BEND4: variants seen among roughly 807,000 people sequenced by gnomAD.
BEND4 encodes the protein BEN domain-containing protein 4.
Under a neutral mutation model 54.7 loss-of-function variants are expected in BEND4, and 27 were observed. That is an observed-to-expected ratio of 0.49 (90% CI 0.36 to 0.68). BEND4 has a LOEUF of 0.68. Ranked by LOEUF, BEND4 falls within the 30% of genes least tolerant of loss-of-function variation. BEND4 has a pLI of 0.00. For synonymous variants in BEND4, 327 were observed against 299.5 expected, an observed-to-expected ratio of 1.09 and a Z score of -0.95; for missense variants, 702 against 697.2, an observed-to-expected ratio of 1.01 and a Z score of -0.08.
At chr4:42,133,828 T>C (rs896150828) in intron 3 of BEND4, among the ~76,000 whole-genome samples, 1 of 152,228 alleles carries the variant, frequency 6.6e-6, no homozygotes, top group Non-Finnish European at 1.5e-5. Flanking sequence ...CACTCCAGCC[T>C]GGGCAACAGA....
At chr4:42,131,889 G>T (rs1290019363) in intron 3 of BEND4, among the ~76,000 whole-genome samples, 1 of 152,062 alleles carries the variant, frequency 6.6e-6, no homozygotes, top group Non-Finnish European at 1.5e-5. Context: ...TACAAGGCAG[G>T]GACCTTGAAG....
chr4:42,128,216 C>T (rs1720358868), intron 3 of BEND4, among the ~76,000 whole-genome samples: 2 of 152,178 alleles, frequency 1.3e-5, no homozygotes, highest in African/African-American at 4.8e-5. Context: ...AAGAGTCATT[C>T]ACGACAAATC....
At chr4:42,148,826 C>T (rs1208271205) in intron 2 of BEND4, among the ~76,000 whole-genome samples, 1 of 152,152 alleles carries the variant, frequency 6.6e-6, no homozygotes. Context: ...ATTTAGGCTG[C>T]ATATCAAGAT....
rs1449051438 is a variant in BEND4, at chr4:42,112,461, A to C, written c.*5057T>G. The stretch of plus-strand genomic sequence containing the variant: ...TTGTACTGGCCCAATTATTCCAAGA[A>C]TAAAGAGGTTTTCAAATGAGTCTTA... On this transcript the variant is annotated 3_prime_UTR_variant, in exon 6 of 6. Coordinates refer to ENST00000502486, the MANE Select transcript of BEND4 (RefSeq NM_207406.4). 6.6e-6 allele frequency: 1 copy of C among 152,230 alleles called. No individual in the cohort carries two copies. The highest frequency in any genetic ancestry group is 1.5e-5 in the Non-Finnish European group (1 of 68,042). The allele number at this position is 152,230 out of a possible 1,614,324, so 9.4% of individuals were successfully genotyped here. A position where few individuals can be genotyped will look rare whatever the true frequency, so the allele number is the denominator to read the frequency against.
intron 2 of BEND4, among the ~76,000 whole-genome samples, chr4:42,149,199 C>G (rs570125049): frequency 3.3e-5 from 5 of 149,754 alleles, no homozygotes; most frequent in South Asian, 2.2e-4. Context: ...CCACCCCCCC[C>G]ACCCCACCCA....
chr4:42,142,437 T>C (rs984729020), intron 3 of BEND4, among the ~76,000 whole-genome samples: 8 of 137,694 alleles, frequency 5.8e-5, no homozygotes, highest in African/African-American at 2.1e-4. Context: ...CTGGCCAACA[T>C]GGTGAAACCC....
intron 2 of BEND4, among the ~76,000 whole-genome samples, chr4:42,144,822 A>T (rs1016276866): frequency 1.3e-5 from 2 of 152,212 alleles, no homozygotes; most frequent in African/African-American, 4.8e-5. Flanking sequence ...AAACAAAAGC[A>T]ATCAACCCAC....
At chr4:42,131,714 T>C (rs111602672) in intron 3 of BEND4, among the ~76,000 whole-genome samples, 16 of 151,998 alleles carry the variant, frequency 1.1e-4, no homozygotes, top group African/African-American at 3.4e-4. Context: ...TTAAGGCAAA[T>C]GGGTCCTGTA....
At chr4:42,138,900 G>A (rs1298480272) in intron 3 of BEND4, among the ~76,000 whole-genome samples, 1 of 152,126 alleles carries the variant, frequency 6.6e-6, no homozygotes. Context: ...TAATTATTAT[G>A]TACAATTATG....
At chr4:42,132,117 C>T (rs536148431) in intron 3 of BEND4, among the ~76,000 whole-genome samples, 1 of 152,260 alleles carries the variant, frequency 6.6e-6, no homozygotes, top group Non-Finnish European at 1.5e-5. Flanking sequence ...ACTGCCTGCC[C>T]GGAGGTGCAT....
intron 2 of BEND4, among the ~76,000 whole-genome samples, chr4:42,150,850 G>A (rs181472887): frequency 3.3e-5 from 5 of 152,222 alleles, no homozygotes; most frequent in Non-Finnish European, 5.9e-5. Context: ...CGAGATGCTC[G>A]GGAGGGGCAG....
chr4:42,148,275 CATA>C (rs925344001), intron 2 of BEND4, among the ~76,000 whole-genome samples: 1 of 152,090 alleles, frequency 6.6e-6, no homozygotes, highest in African/African-American at 2.4e-5. Flanking sequence ...CAATTTTTTT[CATA>C]ATGGCAAACA....
chr4:42,122,167 A>G (rs1285726752), intron 4 of BEND4, among the ~76,000 whole-genome samples: 1 of 152,184 alleles, frequency 6.6e-6, no homozygotes, highest in African/African-American at 2.4e-5. Context: ...CACCTGCCCC[A>G]AGCACTTTGC....
At position 42,152,394 on chromosome 4, in the gene BEND4, G is replaced by A. The variant is rs1361629186; in HGVS notation, c.-233-18C>T. The A allele has an allele frequency of 2.2e-5, 6 of 273,444 alleles. No individual in the cohort carries two copies. Among genetic ancestry groups the A allele is most frequent in the Admixed American group, 1.1e-4 (2 of 18,696 alleles). 16.9% of individuals were successfully genotyped at this position (273,444 alleles called of 1,614,324 possible). On this transcript the variant is annotated intron_variant, in intron 1 of 5. Transcript: ENST00000502486. ...GCCAATGCCTGGAGGGAGAAAGGAGGTAAAGAGCAAGTGTTTAGGGTAATA... is the reference window on the plus strand; with the variant it reads ...GCCAATGCCTGGAGGGAGAAAGGAGATAAAGAGCAAGTGTTTAGGGTAATA...
At chr4:42,146,731 T>C (rs1408736347) in intron 2 of BEND4, among the ~76,000 whole-genome samples, 2 of 152,258 alleles carry the variant, frequency 1.3e-5, no homozygotes, top group Admixed American at 6.5e-5. Flanking sequence ...ATTTACTGTT[T>C]GCATTTTAAT....
At chr4:42,143,287 C>T in intron 3 of BEND4, 141 bp downstream of exon 3, 1 of 753,246 alleles carries the variant, frequency 1.3e-6, no homozygotes, top group South Asian at 1.9e-5. Flanking sequence ...TCCAACTTTT[C>T]TACATCACTG....
At chr4:42,149,599 G>A (rs964024666) in intron 2 of BEND4, among the ~76,000 whole-genome samples, 1 of 152,126 alleles carries the variant, frequency 6.6e-6, no homozygotes, top group Non-Finnish European at 1.5e-5. Flanking sequence ...CATCAAAAAA[G>A]CCCCTCTTCA....
intron 3 of BEND4, among the ~76,000 whole-genome samples, chr4:42,134,475 T>C (rs955650633): frequency 6.6e-6 from 1 of 152,236 alleles, no homozygotes; most frequent in African/African-American, 2.4e-5. Context: ...TTTTTGTTCA[T>C]GTCAATATCC....
chr4:42,147,935 G>C (rs1190787385), intron 2 of BEND4, among the ~76,000 whole-genome samples: 13 of 152,132 alleles, frequency 8.5e-5, no homozygotes, highest in Non-Finnish European at 1.5e-5. Flanking sequence ...AGATCCCCAA[G>C]AGAATTCTGC....
Sources: allele counts gnomAD v4.1 joint callset (sites outside exome capture counted in the v4.1 genomes callset), GRCh38; gene constraint gnomAD v4.1.1; transcripts MANE v1.5; gene names NCBI Gene and HGNC (gene_info 2026-07-23, HGNC 2026-07-21).